PARD3: variants seen among roughly 807,000 people sequenced by gnomAD.
The protein encoded by PARD3 is partitioning defective 3 homolog.
Under a neutral mutation model 155.4 loss-of-function variants are expected in PARD3, and 75 were observed. The observed-to-expected ratio is 0.48, with a 90% confidence interval of 0.40 to 0.58. PARD3 has a LOEUF of 0.58. PARD3 is among the 20% of genes least tolerant of loss of function. The pLI, the probability that PARD3 is intolerant of heterozygous loss-of-function variation, is 0.00. For synonymous variants in PARD3, 576 were observed against 610.5 expected, an observed-to-expected ratio of 0.94 and a Z score of 0.83; for missense variants, 1,642 against 1,721.7, an observed-to-expected ratio of 0.95 and a Z score of 0.82.
At chr10:34,796,793 T>C (rs2134290472) in intron 1 of PARD3, among the ~76,000 whole-genome samples, 1 of 152,316 alleles carries the variant, frequency 6.6e-6, no homozygotes, top group South Asian at 2.1e-4. Flanking sequence ...AAGGCCAGCC[T>C]GGCCAAAATG....
intron 2 of PARD3, among the ~76,000 whole-genome samples, chr10:34,531,742 T>C (rs1485391101): frequency 6.6e-6 from 1 of 152,180 alleles, no homozygotes; most frequent in Non-Finnish European, 1.5e-5. Flanking sequence ...TGTTCTAATG[T>C]CATGACTTTT....
intron 21 of PARD3, among the ~76,000 whole-genome samples, chr10:34,276,372 TA>T (rs1166201362): frequency 6.6e-6 from 1 of 152,190 alleles, no homozygotes; most frequent in Non-Finnish European, 1.5e-5. Context: ...CTGCTGTCAC[TA>T]AATTCATGCT....
At chr10:34,488,491 T>A (rs1274266932) in intron 3 of PARD3, 1 of 151,710 alleles carries the variant, frequency 6.6e-6, no homozygotes, top group Non-Finnish European at 1.5e-5. Context: ...ATCTTCATGG[T>A]ACTAAAACCC....
intron 21 of PARD3, among the ~76,000 whole-genome samples, chr10:34,271,986 C>T (rs1287190832): frequency 6.6e-6 from 1 of 152,204 alleles, no homozygotes; most frequent in Non-Finnish European, 1.5e-5. Flanking sequence ...ATAAGCCAAA[C>T]TTTCGTTTAT....
In PARD3 at chr10:34,573,963, T is replaced by C. The variant is rs537518273; in HGVS notation, c.223-56804A>G. On this transcript the variant is annotated intron_variant, in intron 2 of 24. Coordinates refer to ENST00000374788, the MANE Select transcript of PARD3 (RefSeq NM_001184785.2). ...TTAGTCATGCTTGAGCATTTATATA[T>C]TGGATTGATATTTTTATTATAAGTT... Among the ~76,000 whole-genome samples the C allele has an allele frequency of 2.0e-5, 3 of 152,318 alleles. No homozygotes were observed. In the East Asian group the frequency reaches 5.8e-4, roughly 29 times the overall value.
At chr10:34,743,300 AT>A (rs1486143980) in intron 1 of PARD3, among the ~76,000 whole-genome samples, 1 of 152,182 alleles carries the variant, frequency 6.6e-6, no homozygotes, top group African/African-American at 2.4e-5. Context: ...TGTCAACAGC[AT>A]TTGTCTTCTC....
At chr10:34,457,039 C>T (rs1296445565) in intron 4 of PARD3, among the ~76,000 whole-genome samples, 2 of 152,158 alleles carry the variant, frequency 1.3e-5, no homozygotes, top group Non-Finnish European at 2.9e-5. Flanking sequence ...GCAAACCCTT[C>T]AAGTTGATAC....
chr10:34,226,925 A>C (rs1952629127), intron 22 of PARD3, among the ~76,000 whole-genome samples: 1 of 150,574 alleles, frequency 6.6e-6, no homozygotes, highest in African/African-American at 2.5e-5. Context: ...AAGTTAAATG[A>C]ACAGATGAAT....
chr10:34,760,009 A>C (rs1402219374), intron 1 of PARD3, among the ~76,000 whole-genome samples: 1 of 152,192 alleles, frequency 6.6e-6, no homozygotes, highest in Non-Finnish European at 1.5e-5. Flanking sequence ...AATCTTTCAC[A>C]ATGCCACTAG....
At chr10:34,623,053 G>A (rs1389512350) in intron 2 of PARD3, among the ~76,000 whole-genome samples, 1 of 152,016 alleles carries the variant, frequency 6.6e-6, no homozygotes. Context: ...TGAAACTTCA[G>A]TGTTTCTGGC....
intron 22 of PARD3, among the ~76,000 whole-genome samples, chr10:34,183,194 C>G (rs1278889490): frequency 6.6e-6 from 1 of 152,204 alleles, no homozygotes; most frequent in Admixed American, 6.5e-5. Flanking sequence ...ACTATTAACA[C>G]AGCAACAGAA....
chr10:34,227,362 G>A (rs546978142), intron 22 of PARD3, among the ~76,000 whole-genome samples: 20 of 152,346 alleles, frequency 1.3e-4, no homozygotes, highest in Non-Finnish European at 2.5e-4. Flanking sequence ...AAGGCTGGGC[G>A]CTGTGGCTCA....
At chr10:34,419,911 A>G (rs1846028414) in intron 5 of PARD3, among the ~76,000 whole-genome samples, 1 of 152,200 alleles carries the variant, frequency 6.6e-6, no homozygotes, top group Non-Finnish European at 1.5e-5. Flanking sequence ...AAATATTTCA[A>G]TACCTAGGAA....
At chr10:34,146,288 A>G (rs1340149354) in intron 22 of PARD3, among the ~76,000 whole-genome samples, 1 of 152,174 alleles carries the variant, frequency 6.6e-6, no homozygotes, top group African/African-American at 2.4e-5. Context: ...ATGCTTATAT[A>G]TTTTTTTAAG....
At chr10:34,582,872 T>TC (rs1485650894) in intron 2 of PARD3, among the ~76,000 whole-genome samples, 1 of 152,222 alleles carries the variant, frequency 6.6e-6, no homozygotes, top group Non-Finnish European at 1.5e-5. Context: ...CAGGTGCCCT[T>TC]CTTCTTTCTT....
chr10:34,445,257 T>A (rs1044500977), intron 5 of PARD3, among the ~76,000 whole-genome samples: 1 of 152,224 alleles, frequency 6.6e-6, no homozygotes, highest in Non-Finnish European at 1.5e-5. Flanking sequence ...AGATTTCTAG[T>A]GTATAAAGCA....
intron 2 of PARD3, among the ~76,000 whole-genome samples, chr10:34,532,641 T>C (rs2082938224): frequency 6.6e-6 from 1 of 152,222 alleles, no homozygotes; most frequent in African/African-American, 2.4e-5. Context: ...TCATAGATCC[T>C]TGTTCTATGA....
At chr10:34,456,216 C>T (rs1398070279) in intron 4 of PARD3, among the ~76,000 whole-genome samples, 1 of 152,152 alleles carries the variant, frequency 6.6e-6, no homozygotes, top group Non-Finnish European at 1.5e-5. Flanking sequence ...GGTCAGAATC[C>T]AGAGATTTTG....
intron 2 of PARD3, among the ~76,000 whole-genome samples, chr10:34,656,368 A>T (rs2093166553): frequency 6.6e-6 from 1 of 152,258 alleles, no homozygotes; most frequent in Non-Finnish European, 1.5e-5. Flanking sequence ...AGATGTAATT[A>T]TAGATGCTCA....
Sources: allele counts gnomAD v4.1 joint callset (sites outside exome capture counted in the v4.1 genomes callset), GRCh38; gene constraint gnomAD v4.1.1; transcripts MANE v1.5; gene names NCBI Gene and HGNC (gene_info 2026-07-23, HGNC 2026-07-21).